DEPDC5: variants seen among roughly 807,000 people sequenced by gnomAD.
DEPDC5 encodes DEP domain containing 5, GATOR1 subcomplex subunit.
DEPDC5 carries 73 observed loss-of-function variants against 217.3 expected under a neutral mutation model. The ratio of observed to expected loss-of-function variants is 0.34; its 90% confidence interval spans 0.28 to 0.41. The LOEUF is 0.41. DEPDC5 is among the 10% of genes least tolerant of loss of function. DEPDC5 has a pLI of 1.00. For synonymous variants in DEPDC5, 733 were observed against 756.7 expected (o/e 0.97, Z 0.51); for missense variants, 1,675 against 2,070.1 (o/e 0.81, Z 3.70).
In DEPDC5 at chr22:31,758,900, T is replaced by C. The variant is rs144801444; in HGVS notation, c.146+267T>C. Among the ~76,000 whole-genome samples, 40 of 152,042 alleles carry C rather than the reference T, an allele frequency of 2.6e-4. No individual in the cohort carries two copies. The East Asian group carries it at 7.5e-3, about 29-fold the overall frequency. Reference sequence around the variant, plus strand: ...CAAATAATTTTTCAAAAGTGGTCCATTCCTTCGTTTTTTTTTTTTTGAGAT... The same window carrying C: ...CAAATAATTTTTCAAAAGTGGTCCACTCCTTCGTTTTTTTTTTTTTGAGAT... On this transcript the variant is annotated intron_variant, in intron 3 of 42. Coordinates refer to ENST00000651528, the MANE Select transcript of DEPDC5 (RefSeq NM_001242896.3).
intron 24 of DEPDC5, chr22:31,823,092 G>T (rs764088525): frequency 1.8e-5 from 6 of 326,330 alleles, no homozygotes; most frequent in Non-Finnish European, 2.4e-5. Context: ...AGCTGGAGTG[G>T]TCTGTGCTCT....
intron 18 of DEPDC5, among the ~76,000 whole-genome samples, chr22:31,806,410 C>CA (rs2087546400): frequency 6.6e-6 from 1 of 152,360 alleles, no homozygotes. Flanking sequence ...GAGGTACCCT[C>CA]ATCTTTCCCA....
rs375025302 is a variant in DEPDC5 at position 31,905,972 on chromosome 22, G to T, written c.4437-12G>T. 1.9e-6 allele frequency: 3 copies of T among 1,613,116 alleles called. No homozygotes were observed. The highest frequency in any genetic ancestry group is 3.3e-5 in the Admixed American group (2 of 59,980). ...GAGGCGCTGATTAGCATGTCTTCCT[G>T]TCCTTCCCTAGGTTTGGGTTTGTAC... On this transcript the variant is annotated splice_polypyrimidine_tract_variant and intron_variant, in intron 41 of 42. Transcript: ENST00000651528.
At chr22:31,790,688 T>C (rs1452892068) in intron 10 of DEPDC5, among the ~76,000 whole-genome samples, 1 of 151,734 alleles carries the variant, frequency 6.6e-6, no homozygotes, top group Non-Finnish European at 1.5e-5. Flanking sequence ...CCAAGGCAAG[T>C]GGATCACTTG....
intron 6 of DEPDC5, among the ~76,000 whole-genome samples, chr22:31,768,273 T>C (rs2083003157): frequency 6.6e-6 from 1 of 152,078 alleles, no homozygotes; most frequent in South Asian, 2.1e-4. Flanking sequence ...ATCAGAATTA[T>C]GAACTGGTTC....
chr22:31,821,805 G>A (rs1157919969), intron 23 of DEPDC5, among the ~76,000 whole-genome samples, 168 bp downstream of exon 23: 4 of 152,186 alleles, frequency 2.6e-5, no homozygotes, highest in Non-Finnish European at 5.9e-5. Context: ...AGTTGGTGAA[G>A]GGCAAAGCAA....
At chr22:31,772,737 T>C (rs1336504737) in intron 7 of DEPDC5, among the ~76,000 whole-genome samples, 1 of 150,378 alleles carries the variant, frequency 6.6e-6, no homozygotes, top group African/African-American at 2.4e-5. Context: ...ATCTCTCTCA[T>C]TTTTTTTTCT....
At chr22:31,873,834 C>A (rs1179765987) in intron 35 of DEPDC5, 1 of 162,186 alleles carries the variant, frequency 6.2e-6, no homozygotes, top group African/African-American at 2.5e-5. Context: ...ACTCTGTTGC[C>A]CAGGCTGGAG....
intron 24 of DEPDC5, among the ~76,000 whole-genome samples, chr22:31,824,107 T>C (rs1301088705): frequency 6.6e-6 from 1 of 152,154 alleles, no homozygotes; most frequent in Non-Finnish European, 1.5e-5. Flanking sequence ...TGCTCACCCT[T>C]TGGGAGGCCA....
intron 6 of DEPDC5, 98 bp downstream of exon 6, chr22:31,766,766 A>T (rs1054951861): frequency 9.5e-7 from 1 of 1,055,862 alleles, no homozygotes; most frequent in Non-Finnish European, 1.4e-6. Context: ...TTCTGATTTT[A>T]TATCAGCATC....
intron 15 of DEPDC5, among the ~76,000 whole-genome samples, chr22:31,803,141 A>G (rs2087064415): frequency 6.6e-6 from 1 of 152,008 alleles, no homozygotes. Flanking sequence ...TTCCCCAAAC[A>G]TATTTGGCAC....
rs1285495971 is a variant in DEPDC5 at position 31,836,995 on chromosome 22, G to A, written c.2194G>A (p.Val732Ile). The A allele has an allele frequency of 6.2e-7, 1 of 1,613,288 alleles. No homozygotes were observed. The highest frequency in any genetic ancestry group is 2.2e-5 in the East Asian group (1 of 44,804). The stretch of plus-strand genomic sequence containing the variant: ...AGTTCTGACACTGTCTGCTCCCCCT[G>A]TAGTGCCAGGCTTCTGTTGCACAGT... ...DPILTLSAPP[V>I]VPGFCCTVGV... The change falls in exon 26 of 43, where the codon GTA (valine) becomes ATA (isoleucine). Residue 732 changes from valine (V) to isoleucine (I), a missense_variant. Val to Ile is a conservative substitution (Grantham distance 29). Coordinates refer to ENST00000651528, the MANE Select transcript of DEPDC5 (RefSeq NM_001242896.3).
chr22:31,773,888 A>G (rs1186862762), intron 7 of DEPDC5, among the ~76,000 whole-genome samples: 3 of 152,164 alleles, frequency 2.0e-5, no homozygotes, highest in South Asian at 2.1e-4. Context: ...CCTGGCGAAC[A>G]TGGTGAAACC....
intron 18 of DEPDC5, among the ~76,000 whole-genome samples, chr22:31,807,801 C>A (rs778888731): frequency 1.2e-4 from 19 of 152,178 alleles, no homozygotes; most frequent in Middle Eastern, 6.3e-3. Flanking sequence ...AGGCCCCACA[C>A]CCGAGTGCTC....
At position 31,760,658 on chromosome 22, in the gene DEPDC5, C is replaced by G; in HGVS notation, c.149C>G (p.Pro50Arg). ...EIAHPNDEYS[P>R]LLLQVKSLKE... ...TCTCTTGTTGCTTTCTTTTTCAGCC[C>G]TCTGCTTTTGCAGGTCAAGTCTCTT... is the stretch of plus-strand genomic sequence containing the variant. The change falls in exon 4 of 43, where the codon CCT (proline) becomes CGT (arginine). Residue 50 changes from proline to arginine, a missense_variant and splice_region_variant. By Grantham distance (103) the Pro-to-Arg change is moderately radical. Transcript: ENST00000651528. The G allele has an allele frequency of 6.2e-7, 1 of 1,613,236 alleles. No individual in the cohort carries two copies. The highest frequency in any genetic ancestry group is 8.5e-7 in the Non-Finnish European group (1 of 1,179,680).
intron 24 of DEPDC5, among the ~76,000 whole-genome samples, chr22:31,824,332 C>T (rs915891397): frequency 2.7e-5 from 4 of 149,220 alleles, no homozygotes; most frequent in Non-Finnish European, 5.9e-5. Flanking sequence ...GGCGACAGAG[C>T]GAGACTTTGT....
At chr22:31,902,408 TTATATATATATATA>T (rs66813737) in intron 41 of DEPDC5, among the ~76,000 whole-genome samples, 15 of 111,930 alleles carry the variant, frequency 1.3e-4, no homozygotes, top group South Asian at 2.9e-4. Context: ...CATCTCCTTA[TTATATATATATATA>T]TATATATATA....
intron 18 of DEPDC5, among the ~76,000 whole-genome samples, chr22:31,807,863 T>C (rs2087743158): frequency 6.6e-6 from 1 of 152,160 alleles, no homozygotes; most frequent in Non-Finnish European, 1.5e-5. Flanking sequence ...GGTTGCTCCA[T>C]TTGTGGCTGT....
At position 31,893,565 on chromosome 22, in the gene DEPDC5, C is replaced by T. The variant is rs1488279401; in HGVS notation, c.4034-17C>T. The T allele has an allele frequency of 1.3e-6, 2 of 1,560,194 alleles. No individual in the cohort carries two copies. Among genetic ancestry groups the T allele is most frequent in the African/African-American group, 2.8e-5 (2 of 72,052 alleles). ...CTTTTCTCACTCTCTTGGGGCCCCT[C>T]CTGTGTGCTGACATAGCTGCCACTG... On this transcript the variant is annotated splice_polypyrimidine_tract_variant and intron_variant, in intron 38 of 42. Coordinates refer to ENST00000651528, the MANE Select transcript of DEPDC5 (RefSeq NM_001242896.3).
Sources: gnomAD v4.1 joint callset for allele counts (sites outside exome capture counted in the v4.1 genomes callset) on GRCh38, gnomAD v4.1.1 for gene constraint, MANE v1.5 for transcripts, NCBI Gene and HGNC (gene_info 2026-07-23, HGNC 2026-07-21) for gene names.